Variants in INPP4B observed in about 807,000 individuals in gnomAD.
INPP4B encodes inositol polyphosphate-4-phosphatase type II B.
INPP4B carries 55 observed loss-of-function variants against 122.5 expected under a neutral mutation model. The observed-to-expected ratio is 0.45, with a 90% confidence interval of 0.36 to 0.56. The LOEUF is 0.56. Among genes scored for constraint, INPP4B ranks in the 20% least tolerant of loss-of-function variants. The probability of loss-of-function intolerance (pLI) is 0.00; values close to 1 mark genes in which losing one functional copy is unlikely to be tolerated. For synonymous variants in INPP4B, 403 were observed against 388.7 expected, an observed-to-expected ratio of 1.04 and a Z score of -0.43; for missense variants, 1,000 against 1,097.7, an observed-to-expected ratio of 0.91 and a Z score of 1.26.
intron 25 of INPP4B, among the ~76,000 whole-genome samples, chr4:142,040,515 A>C (rs2667088): frequency 1.3e-5 from 2 of 152,146 alleles, no homozygotes; most frequent in African/African-American, 2.4e-5. Context: ...TAGGAGCTGA[A>C]ATATGCAATG....
At chr4:142,811,368 A>T (rs1051921819) in intron 1 of INPP4B, among the ~76,000 whole-genome samples, 4 of 152,178 alleles carry the variant, frequency 2.6e-5, no homozygotes, top group African/African-American at 9.7e-5. Flanking sequence ...ACTGAAGGGA[A>T]TTGCTGACAT....
chr4:142,229,278 G>T (rs1450616877), intron 12 of INPP4B, among the ~76,000 whole-genome samples: 3 of 152,000 alleles, frequency 2.0e-5, no homozygotes, highest in African/African-American at 7.2e-5. Context: ...ATTTGTGAAG[G>T]ATGTCAGAAT....
chr4:142,445,337 A>C (rs917155190), intron 3 of INPP4B, among the ~76,000 whole-genome samples: 6 of 152,136 alleles, frequency 3.9e-5, no homozygotes, highest in Non-Finnish European at 7.3e-5. Flanking sequence ...GAAAAGAATA[A>C]TTATTTGAAC....
intron 1 of INPP4B, among the ~76,000 whole-genome samples, chr4:142,804,211 C>T (rs1404153214): frequency 6.6e-6 from 1 of 152,080 alleles, no homozygotes; most frequent in East Asian, 1.9e-4. Flanking sequence ...ATCACTTTAG[C>T]ATTGAAGTCA....
intron 7 of INPP4B, among the ~76,000 whole-genome samples, chr4:142,353,593 T>C (rs1459398554): frequency 6.6e-6 from 1 of 152,080 alleles, no homozygotes; most frequent in African/African-American, 2.4e-5. Context: ...TATACGTGCA[T>C]ATACATATAT....
At chr4:142,683,494 AG>A (rs1758923329) in intron 2 of INPP4B, among the ~76,000 whole-genome samples, 1 of 151,812 alleles carries the variant, frequency 6.6e-6, no homozygotes, top group Admixed American at 6.6e-5. Flanking sequence ...AACATGCTGT[AG>A]GAGAGAAAAA....
chr4:142,397,825 G>C (rs1269078499), intron 7 of INPP4B, among the ~76,000 whole-genome samples: 2 of 151,718 alleles, frequency 1.3e-5, no homozygotes, highest in Non-Finnish European at 2.9e-5. Context: ...GTGACAGAGC[G>C]AGGCTCCGTC....
chr4:142,408,362 G>A (rs149818935), intron 5 of INPP4B, among the ~76,000 whole-genome samples: 15 of 152,206 alleles, frequency 9.9e-5, no homozygotes, highest in African/African-American at 3.4e-4. Context: ...AGACCAGCCT[G>A]GCCAACATGA....
intron 2 of INPP4B, among the ~76,000 whole-genome samples, chr4:142,611,637 CTTTTTTTTTTTT>C (rs34482115): frequency 4.6e-5 from 3 of 65,236 alleles, no homozygotes; most frequent in African/African-American, 6.4e-5. Context: ...TTTCTTTTTT[CTTTTTTTTTTTT>C]TTTTTTTTTT....
intron 12 of INPP4B, among the ~76,000 whole-genome samples, chr4:142,225,345 GT>G (rs1851071743): frequency 6.6e-6 from 1 of 151,988 alleles, no homozygotes; most frequent in Non-Finnish European, 1.5e-5. Flanking sequence ...TACTTTTGAG[GT>G]TTTGGGGCTG....
Position 142,602,435 on chromosome 4 carries a change from C to T in INPP4B, c.-191+123404G>A, listed in dbSNP as rs148964157. On this transcript the variant is annotated intron_variant, in intron 2 of 25. Coordinates refer to ENST00000262992, the MANE Select transcript of INPP4B (RefSeq NM_001101669.3). ...ATTTATGGATTCAATGCTATTCCCA[C>T]GAAACTACCATTGACATTCTTCCGA... Among the ~76,000 whole-genome samples the T allele has an allele frequency of 3.5e-3, 539 of 152,142 alleles. 7 individuals carry two copies. The highest frequency in any genetic ancestry group is 0.022 in the South Asian group (108 of 4,808).
At chr4:142,174,199 G>T (rs956012675) in intron 15 of INPP4B, among the ~76,000 whole-genome samples, 1 of 152,076 alleles carries the variant, frequency 6.6e-6, no homozygotes, top group African/African-American at 2.4e-5. Flanking sequence ...AAAGATTCAA[G>T]CCAATCTCAA....
At chr4:142,726,118 A>T (rs1765320278) in intron 1 of INPP4B, among the ~76,000 whole-genome samples, 1 of 152,186 alleles carries the variant, frequency 6.6e-6, no homozygotes, top group Non-Finnish European at 1.5e-5. Context: ...AACATGGGTG[A>T]CTGCAGCAGA....
rs1422310349 is a variant in INPP4B at position 142,101,670 on chromosome 4, T to C, written c.2374+6423A>G. On this transcript the variant is annotated intron_variant, in intron 23 of 25. Coordinates refer to ENST00000262992, the MANE Select transcript of INPP4B (RefSeq NM_001101669.3). ...TCCAGAGCACAATCTGTGTTATAAA[T>C]GTTGTAGCTAGTTTTCTGATTCTCA... Among the ~76,000 whole-genome samples the C allele has an allele frequency of 5.9e-5, 9 of 152,252 alleles. No individual in the cohort carries two copies. The East Asian group carries it at 1.7e-3, about 29-fold the overall frequency.
intron 2 of INPP4B, among the ~76,000 whole-genome samples, chr4:142,513,599 G>A (rs1825029083): frequency 6.6e-6 from 1 of 152,040 alleles, no homozygotes. Flanking sequence ...GTAGAGACAG[G>A]GTTTCACCAT....
At chr4:142,414,218 A>G (rs895816404) in intron 5 of INPP4B, among the ~76,000 whole-genome samples, 10 of 152,122 alleles carry the variant, frequency 6.6e-5, no homozygotes, top group African/African-American at 2.4e-4. Context: ...TTACCATCCT[A>G]TAACACAACA....
intron 18 of INPP4B, among the ~76,000 whole-genome samples, chr4:142,145,466 A>T (rs1034469293): frequency 4.6e-5 from 7 of 152,188 alleles, no homozygotes; most frequent in Admixed American, 2.6e-4. Flanking sequence ...ACTGTGAGAT[A>T]CTGTGTCCTT....
intron 7 of INPP4B, among the ~76,000 whole-genome samples, chr4:142,329,976 A>C (rs541831565): frequency 6.6e-6 from 1 of 152,334 alleles, no homozygotes; most frequent in African/African-American, 2.4e-5. Context: ...TTAAAACATG[A>C]GGAAACTCAA....
chr4:142,603,903 AACACACACACAC>A (rs3078719), intron 2 of INPP4B, among the ~76,000 whole-genome samples: 2 of 149,026 alleles, frequency 1.3e-5, no homozygotes, highest in African/African-American at 2.5e-5. Flanking sequence ...ACCAGACAAG[AACACACACACAC>A]ACACACACAC....
Sources: gnomAD v4.1 joint callset for allele counts (sites outside exome capture counted in the v4.1 genomes callset) on GRCh38, gnomAD v4.1.1 for gene constraint, MANE v1.5 for transcripts, NCBI Gene and HGNC (gene_info 2026-07-23, HGNC 2026-07-21) for gene names.